Variants in NELL2 observed in about 807,000 individuals in gnomAD.
NELL2 encodes the protein neural EGFL like 2, also known as protein kinase C-binding protein NELL2.
Under a neutral mutation model 109.6 loss-of-function variants are expected in NELL2, and 41 were observed. The observed-to-expected ratio is 0.37, with a 90% CI of 0.29 to 0.49. The LOEUF is 0.49. NELL2 is among the 20% of genes least tolerant of loss of function. NELL2 has a pLI of 0.98. For missense variants in NELL2, 900 were observed against 1,008.3 expected (o/e 0.89, Z 1.45); for synonymous variants, 355 against 344.7 (o/e 1.03, Z -0.33).
intron 19 of NELL2, among the ~76,000 whole-genome samples, chr12:44,509,771 C>CT (rs1318699914): frequency 6.6e-6 from 1 of 152,050 alleles, no homozygotes; most frequent in Non-Finnish European, 1.5e-5. Flanking sequence ...CCTGAACTGA[C>CT]TAAGACAAAA....
chr12:44,640,269 G>C (rs35889925), intron 13 of NELL2, among the ~76,000 whole-genome samples: 17,855 of 152,080 alleles, frequency 0.12, 1,232 homozygotes, highest in East Asian at 0.2. Context: ...TTTTCACTGA[G>C]TCTCTTAGTC....
At chr12:44,859,788 A>AG (rs1332647836) in intron 2 of NELL2, among the ~76,000 whole-genome samples, 2 of 152,194 alleles carry the variant, frequency 1.3e-5, no homozygotes, top group Non-Finnish European at 2.9e-5. Flanking sequence ...AGTGTACTTC[A>AG]GCCATGACAC....
intron 15 of NELL2, among the ~76,000 whole-genome samples, chr12:44,573,886 T>C (rs1007328225): frequency 3.3e-5 from 5 of 152,118 alleles, no homozygotes; most frequent in East Asian, 1.9e-4. Flanking sequence ...TTCTAGGAGA[T>C]TGCTCAACAT....
intron 13 of NELL2, among the ~76,000 whole-genome samples, chr12:44,633,873 G>C (rs1436393750): frequency 6.6e-6 from 1 of 152,044 alleles, no homozygotes; most frequent in Admixed American, 6.6e-5. Flanking sequence ...ACTGAAGAGG[G>C]AAATTTGCTA....
intron 11 of NELL2, among the ~76,000 whole-genome samples, chr12:44,709,345 C>T (rs1210461872): frequency 6.6e-6 from 1 of 152,122 alleles, no homozygotes; most frequent in Non-Finnish European, 1.5e-5. Context: ...CTGGAGAGAC[C>T]ATAGGAAGAA....
intron 19 of NELL2, among the ~76,000 whole-genome samples, chr12:44,514,723 A>G (rs779299562): frequency 6.6e-6 from 1 of 151,438 alleles, no homozygotes; most frequent in East Asian, 1.9e-4. Flanking sequence ...GTGAATAAAT[A>G]TAAAATATAC....
At chr12:44,648,641 C>G (rs1445929904) in intron 13 of NELL2, among the ~76,000 whole-genome samples, 1 of 149,196 alleles carries the variant, frequency 6.7e-6, no homozygotes, top group East Asian at 2.0e-4. Context: ...TAGTATCATA[C>G]CTAATATTTT....
intron 15 of NELL2, among the ~76,000 whole-genome samples, chr12:44,534,154 C>T (rs770508367): frequency 1.3e-5 from 2 of 151,920 alleles, no homozygotes; most frequent in Non-Finnish European, 2.9e-5. Context: ...TATAAAATGT[C>T]CTCTTTTCAG....
chr12:44,565,332 C>G (rs756707513), intron 15 of NELL2, among the ~76,000 whole-genome samples: 10 of 152,138 alleles, frequency 6.6e-5, no homozygotes, highest in Non-Finnish European at 1.5e-4. Flanking sequence ...ATATGTATCA[C>G]TAAAAATGCT....
intron 16 of NELL2, among the ~76,000 whole-genome samples, chr12:44,523,962 C>A (rs1941653589): frequency 6.6e-6 from 1 of 152,116 alleles, no homozygotes; most frequent in South Asian, 2.1e-4. Flanking sequence ...AAGCCTTATT[C>A]TCGCGGCTGC....
chr12:44,811,756 C>T (rs547559406), intron 3 of NELL2, among the ~76,000 whole-genome samples: 17 of 152,142 alleles, frequency 1.1e-4, no homozygotes, highest in African/African-American at 3.9e-4. Flanking sequence ...CAGGAACAGA[C>T]ATAAGGAAGA....
At chr12:44,913,958 T>C (rs1945806578), upstream of NELL2, 3 of 358,118 alleles carry the variant, frequency 8.4e-6, no homozygotes, top group South Asian at 1.2e-4. Context: ...CTTGGAGTCA[T>C]TTCTCTCACA....
intron 12 of NELL2, among the ~76,000 whole-genome samples, chr12:44,683,464 G>A (rs1437148016): frequency 1.3e-5 from 2 of 151,744 alleles, no homozygotes; most frequent in Non-Finnish European, 2.9e-5. Flanking sequence ...ATGTTGAATA[G>A]GAGTGGTGAG....
At chr12:44,775,411 G>A (rs1001416779) in intron 8 of NELL2, among the ~76,000 whole-genome samples, 9 of 152,146 alleles carry the variant, frequency 5.9e-5, no homozygotes, top group African/African-American at 2.2e-4. Flanking sequence ...TAACAGATGA[G>A]TTCATGTGTA....
rs140834326 is a variant in NELL2 at position 44,892,670 on chromosome 12, C to T, written c.39-16770G>A. ...AACATTAGCCAGGAGTGGTGGTGGGCGCCTGTACTCCCAGCTACTCGGGAG... is the reference window on the plus strand; with the variant it reads ...AACATTAGCCAGGAGTGGTGGTGGGTGCCTGTACTCCCAGCTACTCGGGAG... On this transcript the variant is annotated intron_variant, in intron 1 of 20. Coordinates refer to the NELL2 transcript ENST00000333837. Among the ~76,000 whole-genome samples, 92 of 151,542 alleles carry T rather than the reference C, an allele frequency of 6.1e-4. No individual in the cohort carries two copies. In the East Asian group the frequency reaches 0.017, roughly 29 times the overall value.
At chr12:44,867,112 G>GAATA (rs1183646257) in intron 2 of NELL2, among the ~76,000 whole-genome samples, 1 of 152,034 alleles carries the variant, frequency 6.6e-6, no homozygotes, top group Non-Finnish European at 1.5e-5. Context: ...GAAGAAGAGG[G>GAATA]AATAAATTCC....
intron 15 of NELL2, among the ~76,000 whole-genome samples, chr12:44,579,413 A>G (rs1415372947): frequency 6.6e-6 from 1 of 152,202 alleles, no homozygotes; most frequent in Non-Finnish European, 1.5e-5. Context: ...CATATAGATA[A>G]CGATTTTGTT....
intron 9 of NELL2, among the ~76,000 whole-genome samples, chr12:44,753,816 T>C (rs1487780797): frequency 6.6e-6 from 1 of 152,150 alleles, no homozygotes; most frequent in Non-Finnish European, 1.5e-5. Context: ...GAGCTTTAAA[T>C]ATCATGGTGA....
At chr12:44,730,817 A>C (rs1939329177) in intron 9 of NELL2, among the ~76,000 whole-genome samples, 1 of 152,094 alleles carries the variant, frequency 6.6e-6, no homozygotes, top group Non-Finnish European at 1.5e-5. Flanking sequence ...AACAATAGAA[A>C]TAAAACCTAC....
Sources: allele counts gnomAD v4.1 joint callset (sites outside exome capture counted in the v4.1 genomes callset), GRCh38; gene constraint gnomAD v4.1.1; transcripts MANE v1.5; gene names NCBI Gene and HGNC (gene_info 2026-07-23, HGNC 2026-07-21).